Variants in KDM6B observed in about 807,000 individuals in gnomAD.
KDM6B encodes the protein lysine demethylase 6B, also known as lysine-specific demethylase 6B.
Under a neutral mutation model 150.4 loss-of-function variants are expected in KDM6B, and 22 were observed. The ratio of observed to expected loss-of-function variants is 0.15; its 90% CI spans 0.10 to 0.21. The LOEUF (loss-of-function observed/expected upper bound fraction) is 0.21, where lower values mean the gene tolerates loss of function less well. Among genes scored for constraint, KDM6B ranks in the 10% least tolerant of loss-of-function variants. The pLI, the probability that KDM6B is intolerant of heterozygous loss-of-function variation, is 1.00. For synonymous variants in KDM6B, 1,148 were observed against 921.1 expected (o/e 1.25, Z -4.46); for missense variants, 1,984 against 2,234.3 (o/e 0.89, Z 2.26).
intron 18 of KDM6B, 23 bp downstream of exon 18, chr17:7,851,819 C>T: frequency 2.6e-6 from 4 of 1,557,522 alleles, no homozygotes; most frequent in Non-Finnish European, 3.5e-6. Context: ...CCTGTGCGCG[C>T]TGATGCTGGA....
In KDM6B at chr17:7,844,945, G is replaced by A. The variant is rs2078500560; in HGVS notation, c.-224G>A. The A allele has an allele frequency of 5.9e-6, 1 of 169,570 alleles. No individual in the cohort carries two copies. The highest frequency in any genetic ancestry group is 1.3e-5 in the Non-Finnish European group (1 of 76,116). 10.5% of individuals were successfully genotyped at this position (169,570 alleles called of 1,614,324 possible). A position where few individuals can be genotyped will look rare whatever the true frequency, so the allele number is the denominator to read the frequency against. On this transcript the variant is annotated 5_prime_UTR_variant, in exon 3 of 24. Transcript: ENST00000448097. The surrounding 1 kb of genome is among the most constrained non-coding windows in gnomAD (Gnocchi z 5.9). ...CACGGGTGATGATTGGCTTTCTGGGGAGAGAGGAAGTCCTGTGATTGGCCA... is the reference window on the plus strand; with the variant it reads ...CACGGGTGATGATTGGCTTTCTGGGAAGAGAGGAAGTCCTGTGATTGGCCA...
At position 7,834,299 on chromosome 17, in the gene KDM6B, C is replaced by T. The variant is rs1311361103; in HGVS notation, c.-439C>T. Among the ~76,000 whole-genome samples, 1 of 151,946 alleles carries T rather than the reference C, an allele frequency of 6.6e-6. No homozygotes were observed. Among genetic ancestry groups the T allele is most frequent in the East Asian group, 2.0e-4 (1 of 5,054 alleles). On this transcript the variant is annotated 5_prime_UTR_variant, in exon 1 of 24. Coordinates refer to ENST00000448097, the MANE Select transcript of KDM6B (RefSeq NM_001348716.2). Reference sequence around the variant, plus strand: ...CTGGGAGAAGGGGGGGCCGCTCGACCCCCTGGGATACCTTGGGGAGCCTGA... The same window carrying T: ...CTGGGAGAAGGGGGGGCCGCTCGACTCCCTGGGATACCTTGGGGAGCCTGA...
At chr17:7,839,379 C>T (rs1019438810) in intron 1 of KDM6B, among the ~76,000 whole-genome samples, 2 of 152,048 alleles carry the variant, frequency 1.3e-5, no homozygotes, top group Middle Eastern at 3.2e-3. Context: ...GAGGATGGCC[C>T]CTCCCTGTTG....
Position 7,853,550 on chromosome 17 carries a change from C to A in KDM6B, c.*29C>A, listed in dbSNP as rs374683893. The A allele has an allele frequency of 1.6e-3, 2,310 of 1,412,664 alleles. 39 individuals carry two copies. The South Asian group carries it at 0.02, about 12-fold the overall frequency. 87.5% of individuals were successfully genotyped at this position (1,412,664 alleles called of 1,614,324 possible). On this transcript the variant is annotated 3_prime_UTR_variant, in exon 24 of 24. Transcript: ENST00000448097. Reference sequence around the variant, plus strand: ...CGGACGCCCCGCCCGCCTGCCTGCCCGCGCAAGGCGCCGCGGGGCCACCAG... The same window carrying A: ...CGGACGCCCCGCCCGCCTGCCTGCCAGCGCAAGGCGCCGCGGGGCCACCAG...
At position 7,847,944 on chromosome 17, in the gene KDM6B, C is replaced by T. The variant is rs747109572; in HGVS notation, c.1656C>T (p.Ser552=). 1.9e-6 allele frequency: 3 copies of T among 1,611,214 alleles called. No homozygotes were observed. The highest frequency in any genetic ancestry group is 1.7e-6 in the Non-Finnish European group (2 of 1,178,912). ...TPPTPPTPTT[S]SSNSNSGSHS... is the part of the protein sequence containing the mutation. ...CCACTCCCCCAACCCCAACCACCAG[C>T]AGTAGCAACAGCAACAGTGGCAGCC... The change falls in exon 12 of 24, where the codon AGC becomes AGT. Residue 552 remains serine, a synonymous_variant. Coordinates refer to ENST00000448097, the MANE Select transcript of KDM6B (RefSeq NM_001348716.2).
chr17:7,838,892 C>G (rs2078373770), intron 1 of KDM6B, among the ~76,000 whole-genome samples: 1 of 152,076 alleles, frequency 6.6e-6, no homozygotes, highest in African/African-American at 2.4e-5. Flanking sequence ...TGGTGGGTCA[C>G]AAATAGCACC....
At chr17:7,838,166 G>T (rs2078358917) in intron 1 of KDM6B, among the ~76,000 whole-genome samples, 1 of 141,898 alleles carries the variant, frequency 7.0e-6, no homozygotes, top group Admixed American at 7.0e-5. Flanking sequence ...TTTCTCTAGT[G>T]GGGACAGGGC....
At position 7,846,134 on chromosome 17, in the gene KDM6B, A is replaced by G. The variant is rs777016372; in HGVS notation, c.293A>G (p.Gln98Arg). The G allele has an allele frequency of 8.1e-6, 13 of 1,602,874 alleles. No individual in the cohort carries two copies. Among genetic ancestry groups the G allele is most frequent in the Non-Finnish European group, 1.1e-5 (13 of 1,175,090 alleles). ...GKLESLHGCV[Q>R]ALLREPAQPG... ...CTGGAATCCCTGCATGGCTGTGTGC[A>G]GGCATTGCTCCGGGAGCCAGCCCAG... The change falls in exon 7 of 24, where the codon CAG becomes CGG. Residue 98 changes from glutamine to arginine, a missense_variant. Coordinates refer to ENST00000448097, the MANE Select transcript of KDM6B (RefSeq NM_001348716.2).
rs1351249955 is a variant in KDM6B at position 7,843,571 on chromosome 17, T to C, written c.-268-1330T>C. On this transcript the variant is annotated intron_variant, in intron 2 of 23. Coordinates refer to ENST00000448097, the MANE Select transcript of KDM6B (RefSeq NM_001348716.2). The surrounding 1 kb of genome is among the most constrained non-coding windows in gnomAD (Gnocchi z 4.5). ...TGCCCTTGTGGGCTGGGTGGAAATT[T>C]CCCCACAGCGCAGACTTCTCTCAAC... 6.6e-6 allele frequency among the ~76,000 whole-genome samples: 1 copy of C among 152,090 alleles called. No homozygotes were observed. Among genetic ancestry groups the C allele is most frequent in the Non-Finnish European group, 1.5e-5 (1 of 67,992 alleles).
In KDM6B at chr17:7,852,641, G is replaced by A; in HGVS notation, c.4610+5G>A. ...CGACTTGTTCAAGATGATCAAGTGA[G>A]GACCCTATTTGGGTGGGAGCCCACC... On this transcript the variant is annotated splice_donor_5th_base_variant and intron_variant, in intron 21 of 23. Coordinates refer to ENST00000448097, the MANE Select transcript of KDM6B (RefSeq NM_001348716.2). 6.2e-7 allele frequency: 1 copy of A among 1,614,024 alleles called. No individual in the cohort carries two copies. The highest frequency in any genetic ancestry group is 8.5e-7 in the Non-Finnish European group (1 of 1,180,028).
rs1243619469 is a variant in KDM6B at position 7,849,510 on chromosome 17, T to G, written c.3222T>G (p.Ala1074=). 1.2e-6 allele frequency: 2 copies of G among 1,612,744 alleles called. No individual in the cohort carries two copies. Among genetic ancestry groups the G allele is most frequent in the South Asian group, 2.2e-5 (2 of 91,066 alleles). ...CAGCCTCTGTCCCTGGAAAGAAGGC[T>G]CGGGAGGAAGCCCCAGGGCCACCGG... ...PPSASVPGKK[A]REEAPGPPGV... The change falls in exon 12 of 24, where the codon GCT becomes GCG. Residue 1074 remains alanine (A), a synonymous_variant. Transcript: ENST00000448097.
At position 7,852,628 on chromosome 17, in the gene KDM6B, G is replaced by A. The variant is rs2078720917; in HGVS notation, c.4602G>A (p.Lys1534=). 1 of 1,614,086 alleles carries A rather than the reference G, an allele frequency of 6.2e-7. No individual in the cohort carries two copies. Among genetic ancestry groups the A allele is most frequent in the East Asian group, 2.2e-5 (1 of 44,886 alleles). ...AAATCAGCGACCCCGACTTGTTCAAGATGATCAAGTGAGGACCCTATTTGG... is the reference window on the plus strand; with the variant it reads ...AAATCAGCGACCCCGACTTGTTCAAAATGATCAAGTGAGGACCCTATTTGG... ...TVKISDPDLF[K]MIKFCLLQSM... Residue 1534 remains lysine, a synonymous_variant, in exon 21 of 24, where the codon AAG becomes AAA. Coordinates refer to ENST00000448097, the MANE Select transcript of KDM6B (RefSeq NM_001348716.2).
In KDM6B at chr17:7,852,200, C is replaced by G. The variant is rs138489743; in HGVS notation, c.4332C>G (p.Leu1444=). 72 of 1,614,174 alleles carry G rather than the reference C, an allele frequency of 4.5e-5. No individual in the cohort carries two copies. In the African/African-American group the frequency reaches 8.0e-4, roughly 18 times the overall value. Residue 1444 remains leucine (L), a synonymous_variant, in exon 20 of 24, where the codon CTC becomes CTG. Coordinates refer to ENST00000448097, the MANE Select transcript of KDM6B (RefSeq NM_001348716.2). ...TGSWWPILDD[L]YASNIPVYRF... ...CCTGGTGGCCAATCCTGGATGATCTCTATGCATCCAATATTCCTGTGTACC... is the reference window on the plus strand; with the variant it reads ...CCTGGTGGCCAATCCTGGATGATCTGTATGCATCCAATATTCCTGTGTACC...
Position 7,849,404 on chromosome 17 carries a change from G to T in KDM6B, c.3116G>T (p.Gly1039Val), listed in dbSNP as rs1429284747. Reference sequence around the variant, plus strand: ...CGTGAGAAGTCCCGGCCCGATCTTGGCGGGGCCTCCAAGGCCAAGCCACCC... The same window carrying T: ...CGTGAGAAGTCCCGGCCCGATCTTGTCGGGGCCTCCAAGGCCAAGCCACCC... ...QGREKSRPDL[G>V]GASKAKPPTA... The change falls in exon 12 of 24, where the codon GGC becomes GTC. Residue 1039 changes from glycine to valine, a missense_variant. This residue lies in a region of KDM6B where 1,379 missense variants were observed against 1,275.6 expected (regional missense o/e 1.08). Transcript: ENST00000448097. The T allele has an allele frequency of 6.2e-7, 1 of 1,611,560 alleles. No individual in the cohort carries two copies. Among genetic ancestry groups the T allele is most frequent in the Admixed American group, 1.7e-5 (1 of 59,986 alleles).
chr17:7,840,780 G>C (rs1157400714), intron 2 of KDM6B: 1 of 152,182 alleles, frequency 6.6e-6, no homozygotes, highest in African/African-American at 2.4e-5. Context: ...GCACATTGGG[G>C]TGCATGGTGG....
intron 7 of KDM6B, 27 bp from the exon 8 acceptor site, chr17:7,846,373 C>CGG: frequency 1.2e-5 from 6 of 520,086 alleles, no homozygotes; most frequent in Non-Finnish European, 1.9e-5. Context: ...TGACATCTGC[C>CGG]CCTGCCCCGT....
rs142815450 is a variant in KDM6B at position 7,851,341 on chromosome 17, G to C, written c.3891G>C (p.Glu1297Asp). The C allele has an allele frequency of 2.5e-5, 41 of 1,614,154 alleles. No individual in the cohort carries two copies. The African/African-American group carries it at 5.1e-4, about 20-fold the overall frequency. Residue 1297 changes from glutamate to aspartate, a missense_variant, in exon 16 of 24, where the codon GAG (glutamate) becomes GAC (aspartate). Physicochemically the swap from Glu to Asp is conservative, Grantham distance 45. Transcript: ENST00000448097. ...SFQESLQEEK[E>D]SEDEESEEPD... ...CTCTGGCTGAACAGGAGGAGAAGGA[G>C]AGTGAGGATGAGGAGTCAGAGGAGC...
Position 7,843,927 on chromosome 17 carries a change from A to C in KDM6B, c.-268-974A>C, listed in dbSNP as rs1252067729. The stretch of plus-strand genomic sequence containing the variant: ...CAGTCGGGGGTCCAGTCGGCACCAA[A>C]GCGAAAGGGTGGGGGGGGCGTGAAG... On this transcript the variant is annotated intron_variant, in intron 2 of 23. Transcript: ENST00000448097. The surrounding 1 kb of genome is among the most constrained non-coding windows in gnomAD (Gnocchi z 4.5). Among the ~76,000 whole-genome samples the C allele has an allele frequency of 6.7e-6, 1 of 150,306 alleles. No individual in the cohort carries two copies. Among genetic ancestry groups the C allele is most frequent in the East Asian group, 2.0e-4 (1 of 5,108 alleles).
Position 7,847,868 on chromosome 17 carries a change from G to T in KDM6B, c.1580G>T (p.Gly527Val), listed in dbSNP as rs762249989. Residue 527 changes from glycine to valine, a missense_variant, in exon 12 of 24, where the codon GGG (glycine) becomes GTG (valine). Transcript: ENST00000448097. ...PPLPHREGFL[G>V]PPASRFSVGT... ...CTCCCCCATCGCGAGGGCTTCTTGG[G>T]GCCTCCGGCCTCCCGCTTTTCTGTG... is the stretch of plus-strand genomic sequence containing the variant. The T allele has an allele frequency of 1.9e-6, 3 of 1,599,224 alleles. No individual in the cohort carries two copies. Among genetic ancestry groups the T allele is most frequent in the Non-Finnish European group, 2.6e-6 (3 of 1,173,944 alleles).
Sources: allele counts gnomAD v4.1 joint callset (sites outside exome capture counted in the v4.1 genomes callset), GRCh38; gene constraint gnomAD v4.1.1; regional missense constraint gnomAD v4.1.1; non-coding constraint Gnocchi (gnomAD v3.1); transcripts MANE v1.5; gene names NCBI Gene and HGNC (gene_info 2026-07-23, HGNC 2026-07-21).